The following GFRA1 variants were observed in gnomAD, a reference collection of about 807,000 sequenced individuals.
GFRA1 encodes the protein GDNF family receptor alpha 1.
A neutral mutation model predicts 51.6 loss-of-function variants in GFRA1; 16 were observed. The observed-to-expected ratio is 0.31, with a 90% CI of 0.21 to 0.47. GFRA1 has a LOEUF of 0.47. GFRA1 is among the 20% of genes least tolerant of loss of function. The pLI is 1.00. For synonymous variants in GFRA1, 270 were observed against 241.3 expected, an observed-to-expected ratio of 1.12 and a Z score of -1.10; for missense variants, 530 against 594.3, an observed-to-expected ratio of 0.89 and a Z score of 1.13.
intron 5 of GFRA1, among the ~76,000 whole-genome samples, chr10:116,178,158 G>A (rs1312688920): frequency 6.6e-6 from 1 of 152,148 alleles, no homozygotes; most frequent in Non-Finnish European, 1.5e-5. Context: ...ATCTTGTTTG[G>A]GCTTGGCTTT....
At chr10:116,196,040 T>G (rs963887060) in intron 5 of GFRA1, among the ~76,000 whole-genome samples, 4 of 152,062 alleles carry the variant, frequency 2.6e-5, no homozygotes, top group African/African-American at 4.8e-5. Flanking sequence ...CACTGGGATG[T>G]GGGGATGAAT....
At chr10:116,181,068 G>A (rs1025017132) in intron 5 of GFRA1, among the ~76,000 whole-genome samples, 16 of 152,298 alleles carry the variant, frequency 1.1e-4, no homozygotes, top group African/African-American at 3.1e-4. Flanking sequence ...TGAGGTGGAT[G>A]ACAATAATGA....
chr10:116,119,831 C>T (rs1957570173), intron 6 of GFRA1, among the ~76,000 whole-genome samples: 1 of 152,250 alleles, frequency 6.6e-6, no homozygotes, highest in Non-Finnish European at 1.5e-5. Context: ...CAGAAATTCG[C>T]TGCATGGTTT....
At chr10:116,122,597 C>T (rs563994445) in intron 6 of GFRA1, among the ~76,000 whole-genome samples, 20 of 152,310 alleles carry the variant, frequency 1.3e-4, no homozygotes, top group African/African-American at 4.8e-4. Context: ...AATGAATTCT[C>T]ACCAACCCTC....
chr10:116,073,938 T>C (rs1257153345), intron 9 of GFRA1, among the ~76,000 whole-genome samples: 3 of 152,020 alleles, frequency 2.0e-5, no homozygotes, highest in African/African-American at 4.8e-5. Context: ...ATGGTTGGTG[T>C]TGCAAAAAAA....
chr10:116,190,370 C>T lies in GFRA1; in HGVS notation c.433+21261G>A, dbSNP rs549701256. On this transcript the variant is annotated intron_variant, in intron 5 of 10. Coordinates refer to ENST00000355422, the MANE Select transcript of GFRA1 (RefSeq NM_005264.8). ...CATGAGAGTGGATCAACGCACTCCA[C>T]TTGCTGAAATTCACAAAGAGCAATG... Among the ~76,000 whole-genome samples, 42 of 152,304 alleles carry T rather than the reference C, an allele frequency of 2.8e-4. No homozygotes were observed. The South Asian group carries it at 3.5e-3, about 13-fold the overall frequency.
intron 5 of GFRA1, among the ~76,000 whole-genome samples, chr10:116,148,926 C>T (rs143210477): frequency 1.3e-5 from 2 of 152,220 alleles, no homozygotes; most frequent in African/African-American, 2.4e-5. Context: ...TTTCAAGCAC[C>T]TTATTTTTTA....
At chr10:116,103,594 A>T (rs1373576340) in intron 6 of GFRA1, among the ~76,000 whole-genome samples, 5 of 152,218 alleles carry the variant, frequency 3.3e-5, no homozygotes, top group Admixed American at 1.3e-4. Context: ...CTTAGAGCAA[A>T]GGGATATATT....
At chr10:116,206,850 T>G (rs1295100949) in intron 5 of GFRA1, among the ~76,000 whole-genome samples, 2 of 151,842 alleles carry the variant, frequency 1.3e-5, no homozygotes, top group African/African-American at 4.8e-5. Flanking sequence ...GCCAGAATGG[T>G]CTCGATCTCC....
intron 5 of GFRA1, among the ~76,000 whole-genome samples, chr10:116,165,338 T>A (rs1054458673): frequency 6.8e-6 from 1 of 146,108 alleles, no homozygotes; most frequent in African/African-American, 2.8e-5. Context: ...ATGTTTGAAA[T>A]GTTGGGTCCA....
rs1954847469 is a variant in GFRA1 at position 116,062,124 on chromosome 10, C to G, written c.*2274G>C. On this transcript the variant is annotated 3_prime_UTR_variant, in exon 11 of 11. Transcript: ENST00000355422. The stretch of plus-strand genomic sequence containing the variant: ...GGCTGCCCTTGTTAGCGCTGAAACT[C>G]CCATTTCCGCTTTGGTCATCTGATG... 4 of 398,560 alleles carry G rather than the reference C, an allele frequency of 1.0e-5. No individual in the cohort carries two copies. The East Asian group carries it at 1.4e-4, about 14-fold the overall frequency. 24.7% of individuals were successfully genotyped at this position (398,560 alleles called of 1,614,324 possible).
chr10:116,096,634 C>G, intron 7 of GFRA1, 21 bp downstream of exon 7: 1 of 1,336,430 alleles, frequency 7.5e-7, no homozygotes, highest in Non-Finnish European at 1.1e-6. Flanking sequence ...CTTCTCCCAT[C>G]CTGCTTCTCT....
intron 9 of GFRA1, among the ~76,000 whole-genome samples, chr10:116,077,427 G>C (rs1422470066): frequency 1.3e-5 from 2 of 152,148 alleles, no homozygotes; most frequent in Non-Finnish European, 2.9e-5. Context: ...ATTTTTCTAA[G>C]TCATTAAATT....
In GFRA1 at chr10:116,215,278, T is replaced by C. The variant is rs916397136; in HGVS notation, c.419-3633A>G. 1.1e-4 allele frequency among the ~76,000 whole-genome samples: 17 copies of C among 152,204 alleles called. No individual in the cohort carries two copies. In the East Asian group the frequency reaches 3.1e-3, roughly 28 times the overall value. ...GGAGAAGAAGGCGGTTTCTGTTCTG[T>C]TGGCTACATTTTAACTTCCTCTCCC... On this transcript the variant is annotated intron_variant, in intron 4 of 10. Coordinates refer to ENST00000355422, the MANE Select transcript of GFRA1 (RefSeq NM_005264.8).
intron 9 of GFRA1, 50 bp downstream of exon 9, chr10:116,089,691 C>G (rs376605649): frequency 2.8e-5 from 41 of 1,490,620 alleles, no homozygotes; most frequent in East Asian, 1.4e-4. Context: ...CGTGTTTCAC[C>G]CCCCCACCAG....
chr10:116,213,139 T>C (rs1965326501), intron 4 of GFRA1, among the ~76,000 whole-genome samples: 1 of 152,232 alleles, frequency 6.6e-6, no homozygotes, highest in South Asian at 2.1e-4. Context: ...TATGCATTCC[T>C]TGGCCCAACA....
chr10:116,085,195 G>T (rs970337215), intron 9 of GFRA1, among the ~76,000 whole-genome samples: 5 of 152,218 alleles, frequency 3.3e-5, no homozygotes, highest in Non-Finnish European at 5.9e-5. Context: ...TCCCCAAACA[G>T]AACTGCGTTT....
intron 5 of GFRA1, among the ~76,000 whole-genome samples, chr10:116,209,102 C>A (rs1965001593): frequency 6.6e-6 from 1 of 152,078 alleles, no homozygotes; most frequent in African/African-American, 2.4e-5. Flanking sequence ...AGCATCACAG[C>A]AAGTGGCATT....
In GFRA1 at chr10:116,272,995, C is replaced by G. The variant is rs968941172; in HGVS notation, c.-247+168G>C. On this transcript the variant is annotated intron_variant, in intron 1 of 10. Coordinates refer to ENST00000355422, the MANE Select transcript of GFRA1 (RefSeq NM_005264.8). This position sits in a 1 kb window ranked among gnomAD's most constrained non-coding sequence, Gnocchi z 4.4. ...GCCGGCCCGCAGTCCCGGCGTGCCC[C>G]GGCAGGTGCAGCCCGGCGCCACGAG... 6.6e-6 allele frequency: 1 copy of G among 152,126 alleles called. No individual in the cohort carries two copies. Among genetic ancestry groups the G allele is most frequent in the East Asian group, 1.9e-4 (1 of 5,144 alleles). 9.4% of individuals were successfully genotyped at this position (152,126 alleles called of 1,614,324 possible). A position where few individuals can be genotyped will look rare whatever the true frequency, so the allele number is the denominator to read the frequency against.
Sources: allele counts gnomAD v4.1 joint callset (sites outside exome capture counted in the v4.1 genomes callset), GRCh38; gene constraint gnomAD v4.1.1; non-coding constraint Gnocchi (gnomAD v3.1); transcripts MANE v1.5; gene names NCBI Gene and HGNC (gene_info 2026-07-23, HGNC 2026-07-21).